PDE11A: variants seen among roughly 807,000 people sequenced by gnomAD.
PDE11A encodes the protein dual 3',5'-cyclic-AMP and -GMP phosphodiesterase 11A.
A neutral mutation model predicts 100.5 loss-of-function variants in PDE11A; 100 were observed. The ratio of observed to expected loss-of-function variants is 1.00; its 90% confidence interval spans 0.85 to 1.18. The LOEUF (loss-of-function observed/expected upper bound fraction) is 1.18, where lower values mean the gene tolerates loss of function less well. Ranked by LOEUF, PDE11A falls within the 50% of genes most tolerant of loss-of-function variation. The pLI is 0.00. For missense variants in PDE11A, 1,141 were observed against 1,152.6 expected, an observed-to-expected ratio of 0.99 and a Z score of 0.15; for synonymous variants, 381 against 420.8, an observed-to-expected ratio of 0.91 and a Z score of 1.16.
chr2:177,660,109 C>T (rs74176579), intron 19 of PDE11A, among the ~76,000 whole-genome samples: 56,927 of 92,404 alleles, frequency 0.62, 15,087 homozygotes, highest in South Asian at 0.72. Context: ...CTCTCTCTCT[C>T]TCTTTCTTTC....
At chr2:177,921,020 C>G (rs1450119050) in intron 2 of PDE11A, among the ~76,000 whole-genome samples, 3 of 150,428 alleles carry the variant, frequency 2.0e-5, no homozygotes, top group Non-Finnish European at 4.4e-5. Flanking sequence ...CAAGATCGTG[C>G]CACTGCACTC....
intron 19 of PDE11A, among the ~76,000 whole-genome samples, chr2:177,649,900 A>T (rs1446834796): frequency 6.6e-6 from 1 of 152,232 alleles, no homozygotes; most frequent in Non-Finnish European, 1.5e-5. Flanking sequence ...TAAAGGAAAT[A>T]GCAATCTTTG....
chr2:177,918,702 C>A (rs1318349284), intron 2 of PDE11A, among the ~76,000 whole-genome samples: 2 of 152,110 alleles, frequency 1.3e-5, no homozygotes, highest in Non-Finnish European at 2.9e-5. Context: ...TAATCTCAAA[C>A]TTAAATATTT....
rs964059385 is a variant in PDE11A at position 177,625,260 on chromosome 2, A to G, written c.*4147T>C. 2 of 152,676 alleles carry G rather than the reference A, an allele frequency of 1.3e-5. No homozygotes were observed. Among genetic ancestry groups the G allele is most frequent in the African/African-American group, 4.8e-5 (2 of 41,466 alleles). The allele number at this position is 152,676 out of a possible 1,614,324, so 9.5% of individuals were successfully genotyped here. Reference sequence around the variant, plus strand: ...CTATTTTATTTGAGAAGAATAAAAAAGAAAATTATCTGGAAAATTTCTTTA... The same window carrying G: ...CTATTTTATTTGAGAAGAATAAAAAGGAAAATTATCTGGAAAATTTCTTTA... On this transcript the variant is annotated 3_prime_UTR_variant, in exon 20 of 20. Coordinates refer to ENST00000286063, the MANE Select transcript of PDE11A (RefSeq NM_016953.4).
rs893958383 is a variant in PDE11A, at chr2:178,069,370, G to A, written c.912+2156C>T. On this transcript the variant is annotated intron_variant, in intron 1 of 19. Transcript: ENST00000286063. ...GCTTTATCAAAGAAGAGTAGCATAA[G>A]TAAAATGAAGAAAACTACACCAAGT... Among the ~76,000 whole-genome samples, 11 of 152,086 alleles carry A rather than the reference G, an allele frequency of 7.2e-5. No individual in the cohort carries two copies. In the South Asian group the frequency reaches 8.3e-4, roughly 11 times the overall value.
At chr2:177,918,798 C>G (rs1001638399) in intron 2 of PDE11A, among the ~76,000 whole-genome samples, 4 of 152,122 alleles carry the variant, frequency 2.6e-5, no homozygotes, top group Non-Finnish European at 5.9e-5. Context: ...CTGAGAATTT[C>G]TGAGTAAAAT....
intron 10 of PDE11A, among the ~76,000 whole-genome samples, chr2:177,743,321 G>A (rs1315696678): frequency 2.0e-5 from 3 of 152,198 alleles, no homozygotes; most frequent in African/African-American, 7.2e-5. Context: ...CTTGGTTTCA[G>A]CTGTGAAAGA....
intron 10 of PDE11A, among the ~76,000 whole-genome samples, chr2:177,748,678 T>G (rs1422162502): frequency 6.6e-6 from 1 of 152,210 alleles, no homozygotes; most frequent in Non-Finnish European, 1.5e-5. Flanking sequence ...GATAAATGAT[T>G]ACAATAACAT....
At chr2:177,736,623 G>C (rs528235908) in intron 10 of PDE11A, among the ~76,000 whole-genome samples, 11 of 152,268 alleles carry the variant, frequency 7.2e-5, no homozygotes, top group African/African-American at 2.4e-4. Context: ...TGGGAGCATG[G>C]CTGCTGATCC....
At chr2:177,795,976 T>TATATATATATA (rs60572700) in intron 9 of PDE11A, among the ~76,000 whole-genome samples, 6 of 137,894 alleles carry the variant, frequency 4.4e-5, no homozygotes, top group Non-Finnish European at 6.3e-5. Flanking sequence ...TATATATATA[T>TATATATATATA]CTTTGCTTTA....
chr2:177,818,653 C>T (rs918599520), intron 7 of PDE11A, among the ~76,000 whole-genome samples: 10 of 152,052 alleles, frequency 6.6e-5, no homozygotes, highest in African/African-American at 2.2e-4. Context: ...ATACAGTTAA[C>T]CTTCAAAGCA....
intron 2 of PDE11A, among the ~76,000 whole-genome samples, chr2:177,906,606 A>C (rs904236313): frequency 6.6e-6 from 1 of 152,138 alleles, no homozygotes; most frequent in Admixed American, 6.5e-5. Context: ...TACAAAAATC[A>C]ATGATTTTTG....
intron 16 of PDE11A, 103 bp from the exon 17 acceptor site, chr2:177,675,621 G>T (rs1390460714): frequency 1.2e-6 from 1 of 856,412 alleles, no homozygotes; most frequent in Admixed American, 2.0e-5. Flanking sequence ...TGGAAACGAG[G>T]CCAGCTCACA....
At chr2:178,042,570 C>T (rs991550165) in intron 1 of PDE11A, among the ~76,000 whole-genome samples, 11 of 151,964 alleles carry the variant, frequency 7.2e-5, no homozygotes, top group African/African-American at 2.7e-4. Context: ...TTTCCCCTTA[C>T]GTATACAACT....
rs991732084 is a variant in PDE11A at position 177,997,653 on chromosome 2, G to T, written c.1071+16649C>A. ...GTGCAAAGTATTGCAGCCTGATTTT[G>T]AAATCTTTGAGTTTTTCTGCATTCA... On this transcript the variant is annotated intron_variant, in intron 2 of 19. Transcript: ENST00000286063. 6 of 1,516,824 alleles carry T rather than the reference G, an allele frequency of 4.0e-6. No homozygotes were observed. The African/African-American group carries it at 8.2e-5, about 21-fold the overall frequency. 94.0% of individuals were successfully genotyped at this position (1,516,824 alleles called of 1,614,324 possible). A position where few individuals can be genotyped will look rare whatever the true frequency, so the allele number is the denominator to read the frequency against.
intron 14 of PDE11A, among the ~76,000 whole-genome samples, chr2:177,698,126 T>A (rs1047456259): frequency 8.5e-5 from 13 of 152,168 alleles, no homozygotes; most frequent in African/African-American, 2.9e-4. Flanking sequence ...ACCATTAAGG[T>A]GCACTTTGAT....
intron 9 of PDE11A, among the ~76,000 whole-genome samples, chr2:177,790,257 T>C (rs1371882428): frequency 6.6e-6 from 1 of 150,464 alleles, no homozygotes; most frequent in Non-Finnish European, 1.5e-5. Flanking sequence ...TATCTGATCT[T>C]TGACAAACCT....
chr2:177,853,643 T>C (rs1199653525), intron 5 of PDE11A, among the ~76,000 whole-genome samples: 7 of 12,718 alleles, frequency 5.5e-4, no homozygotes, highest in South Asian at 2.6e-3. Flanking sequence ...TGCATATATA[T>C]ATATATATAT....
intron 5 of PDE11A, among the ~76,000 whole-genome samples, chr2:177,861,918 T>C: frequency 6.6e-6 from 1 of 151,850 alleles, no homozygotes; most frequent in East Asian, 1.9e-4. Flanking sequence ...AAAATTTAAC[T>C]TAAAGTGGAT....
Sources: allele counts gnomAD v4.1 joint callset (sites outside exome capture counted in the v4.1 genomes callset), GRCh38; gene constraint gnomAD v4.1.1; transcripts MANE v1.5; gene names NCBI Gene and HGNC (gene_info 2026-07-23, HGNC 2026-07-21).